The following WDR11 variants were observed in gnomAD, a reference collection of about 807,000 sequenced individuals.
WDR11 encodes the protein WD repeat domain 11, also known as WD repeat-containing protein 11.
Under a neutral mutation model 151.2 loss-of-function variants are expected in WDR11, and 83 were observed. The observed-to-expected ratio is 0.55, with a 90% confidence interval of 0.46 to 0.66. The LOEUF (loss-of-function observed/expected upper bound fraction) is 0.66, where lower values mean the gene tolerates loss of function less well. Among genes scored for constraint, WDR11 ranks in the 30% least tolerant of loss-of-function variants. The probability of loss-of-function intolerance (pLI) is 0.00; values close to 1 mark genes in which losing one functional copy is unlikely to be tolerated. For synonymous variants in WDR11, 484 were observed against 533.1 expected (o/e 0.91, Z 1.27); for missense variants, 1,301 against 1,480.9 (o/e 0.88, Z 1.99).
chr10:120,883,981 A>G, intron 14 of WDR11, 93 bp downstream of exon 14: 2 of 1,058,214 alleles, frequency 1.9e-6, no homozygotes, highest in South Asian at 1.4e-5. Flanking sequence ...CATTACTGCC[A>G]ATGTCATTTT....
chr10:120,903,916 T>A, intron 23 of WDR11, 131 bp from the exon 24 acceptor site: 1 of 645,878 alleles, frequency 1.5e-6, no homozygotes, highest in Admixed American at 2.7e-5. Flanking sequence ...TGGGGTGCTG[T>A]AAAGTTGATT....
chr10:120,859,980 T>A, intron 3 of WDR11, 129 bp from the exon 4 acceptor site: 1 of 950,782 alleles, frequency 1.1e-6, no homozygotes, highest in Non-Finnish European at 1.7e-6. Context: ...CACACACACG[T>A]CACATTTGGG....
intron 28 of WDR11, 83 bp from the exon 29 acceptor site, chr10:120,908,473 G>A (rs1398076383): frequency 8.2e-6 from 12 of 1,470,762 alleles, no homozygotes; most frequent in Non-Finnish European, 1.0e-5. Flanking sequence ...GAGCAGACGC[G>A]ACTCACCCTT....
chr10:120,872,323 T>A (rs565116028), intron 10 of WDR11, among the ~76,000 whole-genome samples: 1 of 152,340 alleles, frequency 6.6e-6, no homozygotes, highest in East Asian at 1.9e-4. Context: ...TAGAAACTGT[T>A]GATTAATATT....
intron 19 of WDR11, among the ~76,000 whole-genome samples, chr10:120,896,187 T>C (rs1780586561): frequency 6.6e-6 from 1 of 152,134 alleles, no homozygotes; most frequent in South Asian, 2.1e-4. Flanking sequence ...AAGTGAAAAA[T>C]GCAAGTGTAA....
intron 9 of WDR11, among the ~76,000 whole-genome samples, chr10:120,869,276 A>G (rs1299323055): frequency 6.6e-6 from 1 of 151,490 alleles, no homozygotes; most frequent in South Asian, 2.1e-4. Flanking sequence ...ACGCCCGGCT[A>G]ATTTTTTTGT....
At chr10:120,859,340 T>G (rs1007882227) in intron 3 of WDR11, among the ~76,000 whole-genome samples, 5 of 150,718 alleles carry the variant, frequency 3.3e-5, no homozygotes, top group African/African-American at 1.2e-4. Context: ...CTATCTCGGC[T>G]CACTGCAAAC....
intron 19 of WDR11, among the ~76,000 whole-genome samples, chr10:120,894,862 T>G (rs924126890): frequency 6.6e-6 from 1 of 152,198 alleles, no homozygotes; most frequent in African/African-American, 2.4e-5. Context: ...TGAGATGATC[T>G]CCTATTACTT....
intron 2 of WDR11, among the ~76,000 whole-genome samples, chr10:120,858,321 A>C (rs1846021848): frequency 6.6e-6 from 1 of 152,190 alleles, no homozygotes; most frequent in African/African-American, 2.4e-5. Flanking sequence ...GTATTTTGTC[A>C]TAAATTAGAT....
At position 120,874,522 on chromosome 10, in the gene WDR11, C is replaced by T. The variant is rs141137407; in HGVS notation, c.1556+599C>T. Among the ~76,000 whole-genome samples, 671 of 151,490 alleles carry T rather than the reference C, an allele frequency of 4.4e-3. 12 individuals are homozygous for T. Among genetic ancestry groups the T allele is most frequent in the African/African-American group, 0.015 (614 of 41,252 alleles). On this transcript the variant is annotated intron_variant, in intron 11 of 28. Transcript: ENST00000263461. ...CCCATCACCTAGGTTTTAAGCTCCACATGCATTAGCTATTTGTCCTGATGC... is the reference window on the plus strand; with the variant it reads ...CCCATCACCTAGGTTTTAAGCTCCATATGCATTAGCTATTTGTCCTGATGC...
intron 21 of WDR11, 86 bp downstream of exon 21, chr10:120,901,184 A>G (rs918738854): frequency 7.3e-6 from 9 of 1,238,570 alleles, no homozygotes; most frequent in Non-Finnish European, 1.1e-5. Flanking sequence ...AATTAAAATA[A>G]GTTACGTTTT....
intron 2 of WDR11, among the ~76,000 whole-genome samples, chr10:120,856,414 A>C (rs1348905251): frequency 6.6e-6 from 1 of 151,978 alleles, no homozygotes; most frequent in Non-Finnish European, 1.5e-5. Flanking sequence ...ATCTCTACTA[A>C]AAATACAAAA....
intron 19 of WDR11, among the ~76,000 whole-genome samples, chr10:120,896,743 T>G (rs754332673): frequency 1.7e-4 from 26 of 152,262 alleles, no homozygotes; most frequent in Non-Finnish European, 3.4e-4. Flanking sequence ...GGAGCCAAGA[T>G]CTGTGCTGAT....
intron 8 of WDR11, 53 bp from the exon 9 acceptor site, chr10:120,867,013 A>G (rs1275831557): frequency 4.0e-5 from 56 of 1,410,952 alleles, no homozygotes; most frequent in South Asian, 8.1e-5. Context: ...AATTCCTAAT[A>G]CGTAATGCAG....
At chr10:120,856,614 A>G (rs1845957150) in intron 2 of WDR11, among the ~76,000 whole-genome samples, 2 of 151,310 alleles carry the variant, frequency 1.3e-5, no homozygotes, top group South Asian at 4.2e-4. Context: ...ACTATCTTCA[A>G]GCTTACATAG....
intron 28 of WDR11, chr10:120,907,156 G>T: frequency 2.7e-6 from 1 of 371,902 alleles, no homozygotes; most frequent in Non-Finnish European, 5.1e-6. Context: ...GGAATGATTT[G>T]GGAAACAGGT....
Position 120,856,483 on chromosome 10 carries a change from G to A in WDR11, c.199-2160G>A, listed in dbSNP as rs867362078. On this transcript the variant is annotated intron_variant, in intron 2 of 28. Transcript: ENST00000263461. ...CCAGCTACTTGGGAGGCTGAGGCAG[G>A]AGAACAGCTTAAACCTGGGAGGTGG... 2.7e-5 allele frequency among the ~76,000 whole-genome samples: 4 copies of A among 150,346 alleles called. No individual in the cohort carries two copies. In the South Asian group the frequency reaches 6.3e-4, roughly 24 times the overall value.
At chr10:120,901,477 A>C (rs1341733889) in intron 21 of WDR11, among the ~76,000 whole-genome samples, 1 of 152,194 alleles carries the variant, frequency 6.6e-6, no homozygotes, top group Non-Finnish European at 1.5e-5. Context: ...CCCGCTTCTA[A>C]AATGAGTTCT....
intron 14 of WDR11, 150 bp downstream of exon 14, chr10:120,884,038 G>C: frequency 1.5e-6 from 1 of 666,286 alleles, no homozygotes; most frequent in Admixed American, 2.6e-5. Context: ...AATAAATGGA[G>C]ATAATTCTTA....
Sources: allele counts gnomAD v4.1 joint callset (sites outside exome capture counted in the v4.1 genomes callset), GRCh38; gene constraint gnomAD v4.1.1; transcripts MANE v1.5; gene names NCBI Gene and HGNC (gene_info 2026-07-23, HGNC 2026-07-21).